Variants in CDH23 observed in about 807,000 individuals in gnomAD.
CDH23 encodes the protein cadherin-23.
Under a neutral mutation model 317.1 loss-of-function variants are expected in CDH23, and 189 were observed. That is an observed-to-expected ratio of 0.60 (90% CI 0.53 to 0.67). The LOEUF (loss-of-function observed/expected upper bound fraction) is 0.67. Ranked by LOEUF, CDH23 falls within the 30% of genes least tolerant of loss-of-function variation. The probability of loss-of-function intolerance (pLI) is 0.00; values close to 1 mark genes in which losing one functional copy is unlikely to be tolerated. For synonymous variants in CDH23, 1,839 were observed against 1,876.8 expected (o/e 0.98, Z 0.52); for missense variants, 4,401 against 4,592.4 (o/e 0.96, Z 1.20).
intron 9 of CDH23, among the ~76,000 whole-genome samples, chr10:71,583,729 G>T (rs1416486274): frequency 6.6e-6 from 1 of 152,196 alleles, no homozygotes; most frequent in Non-Finnish European, 1.5e-5. Context: ...GGAGAACCCT[G>T]TTTATTGGGT....
chr10:71,777,872 G>A lies in CDH23; in HGVS notation c.5038G>A (p.Val1680Ile), dbSNP rs201364852. Residue 1680 changes from valine to isoleucine, a missense_variant, in exon 39 of 70, where the codon GTC becomes ATC. Physicochemically the swap from Val to Ile is conservative, Grantham distance 29 (BLOSUM62 3). This residue lies in a region of CDH23 where 3,068 missense variants were observed against 3,203.3 expected (regional missense o/e 0.96). Coordinates refer to ENST00000224721, the MANE Select transcript of CDH23 (RefSeq NM_022124.6). ...VTYAIVAGNI[V>I]NTFRIDRHMG... ...CTATGCCATCGTCGCAGGCAACATC[G>A]TCAACACCTTCCGCATCGACAGACA... The A allele has an allele frequency of 8.5e-5, 137 of 1,613,740 alleles. No individual in the cohort carries two copies. In the African/African-American group the frequency reaches 1.2e-3, roughly 14 times the overall value.
Position 71,760,310 on chromosome 10 carries a change from C to CAT in CDH23, c.4846-17369_4846-17368insTA, listed in dbSNP as rs1292726780. 5.4e-4 allele frequency among the ~76,000 whole-genome samples: 69 copies of CAT among 127,216 alleles called. 7 individuals carry two copies. Among genetic ancestry groups the CAT allele is most frequent in the Non-Finnish European group, 9.1e-4 (52 of 57,318 alleles). 83.5% of individuals were successfully genotyped at this position (127,216 alleles called of 152,430 possible). On this transcript the variant is annotated intron_variant, in intron 38 of 69. Coordinates refer to ENST00000224721, the MANE Select transcript of CDH23 (RefSeq NM_022124.6). ...ATATGTGTATATATATGTATATACA[C>CAT]ACACATATATATATATATATATCCC... is the stretch of plus-strand genomic sequence containing the variant.
At chr10:71,496,996 C>T (rs189852677) in intron 3 of CDH23, among the ~76,000 whole-genome samples, 1 of 152,276 alleles carries the variant, frequency 6.6e-6, no homozygotes, top group East Asian at 1.9e-4. Flanking sequence ...ACTGCTGTTC[C>T]CCCACGGTCA....
chr10:71,769,436 GTT>G (rs1277120235), intron 38 of CDH23, among the ~76,000 whole-genome samples: 2 of 152,022 alleles, frequency 1.3e-5, no homozygotes, highest in Non-Finnish European at 2.9e-5. Context: ...GCGATAAAAA[GTT>G]TCCTTTTAAA....
chr10:71,694,345 T>C (rs894798845), intron 21 of CDH23, 86 bp downstream of exon 21: 1 of 980,062 alleles, frequency 1.0e-6, no homozygotes. Context: ...CCCCGTGTCC[T>C]GAGCCAGTGT....
chr10:71,724,181 G>A (rs1866702606), intron 29 of CDH23, 76 bp downstream of exon 29: 14 of 1,497,590 alleles, frequency 9.3e-6, no homozygotes, highest in Non-Finnish European at 1.2e-5. Flanking sequence ...GCTGCCAAAG[G>A]TCTGGGAGAT....
At chr10:71,755,396 G>A in intron 38 of CDH23, 1 of 1,613,460 alleles carries the variant, frequency 6.2e-7, no homozygotes, top group Non-Finnish European at 8.5e-7. Flanking sequence ...TGTAGACCAG[G>A]AGCAGGATGA....
At chr10:71,531,135 C>A (rs1442401492) in intron 6 of CDH23, among the ~76,000 whole-genome samples, 1 of 152,246 alleles carries the variant, frequency 6.6e-6, no homozygotes, top group Non-Finnish European at 1.5e-5. Context: ...ACAGTTCACC[C>A]CTAAGAGGCT....
intron 60 of CDH23, 99 bp downstream of exon 60, chr10:71,808,106 G>A: frequency 7.0e-7 from 1 of 1,423,770 alleles, no homozygotes. Context: ...GAGCACCACA[G>A]GATATGGGTG....
At chr10:71,651,062 T>C (rs951231170) in intron 14 of CDH23, among the ~76,000 whole-genome samples, 3 of 152,230 alleles carry the variant, frequency 2.0e-5, no homozygotes, top group Non-Finnish European at 2.9e-5. Flanking sequence ...CCAGGAAAAC[T>C]GGACTAACTA....
At chr10:71,541,449 C>A (rs570038279) in intron 6 of CDH23, among the ~76,000 whole-genome samples, 1 of 152,364 alleles carries the variant, frequency 6.6e-6, no homozygotes, top group South Asian at 2.1e-4. Context: ...GGGGCCCTGG[C>A]CCTGGGCTAG....
At chr10:71,740,990 G>A in intron 37 of CDH23, 40 bp downstream of exon 37, 1 of 1,612,136 alleles carries the variant, frequency 6.2e-7, no homozygotes, top group Non-Finnish European at 8.5e-7. Context: ...GGACATACGG[G>A]GGGACCGTGG....
intron 11 of CDH23, among the ~76,000 whole-genome samples, chr10:71,637,115 G>A (rs10465975): frequency 0.77 from 117,136 of 151,992 alleles, 45,419 homozygotes; most frequent in South Asian, 0.88. Flanking sequence ...ATGTCTGATT[G>A]GGGTGAATTA....
At chr10:71,454,242 C>T (rs780429967) in intron 3 of CDH23, among the ~76,000 whole-genome samples, 9 of 152,200 alleles carry the variant, frequency 5.9e-5, no homozygotes, top group African/African-American at 1.4e-4. Flanking sequence ...ATGGGAATAA[C>T]GTTCAGTTTA....
At chr10:71,501,298 G>C (rs1045860473) in intron 3 of CDH23, among the ~76,000 whole-genome samples, 1 of 152,194 alleles carries the variant, frequency 6.6e-6, no homozygotes, top group Non-Finnish European at 1.5e-5. Flanking sequence ...GTCATGCCCA[G>C]GAAACAGAAT....
chr10:71,751,350 C>T lies in CDH23; in HGVS notation c.4845+9429C>T, dbSNP rs1589396103. On this transcript the variant is annotated intron_variant, in intron 38 of 69. Transcript: ENST00000224721. This position sits in a 1 kb window ranked among gnomAD's most constrained non-coding sequence, Gnocchi z 4.9. Reference sequence around the variant, plus strand: ...CCTCTGCCCCTCACCCTCAACCCCACCCCGTGAGGCCGTGGAACTCTTCAG... The same window carrying T: ...CCTCTGCCCCTCACCCTCAACCCCATCCCGTGAGGCCGTGGAACTCTTCAG... 1.3e-6 allele frequency: 2 copies of T among 1,531,400 alleles called. No individual in the cohort carries two copies. Among genetic ancestry groups the T allele is most frequent in the Non-Finnish European group, 1.8e-6 (2 of 1,126,888 alleles). 94.9% of individuals were successfully genotyped at this position (1,531,400 alleles called of 1,614,324 possible).
intron 48 of CDH23, among the ~76,000 whole-genome samples, chr10:71,796,254 G>A (rs1432322620): frequency 6.6e-6 from 1 of 152,214 alleles, no homozygotes; most frequent in African/African-American, 2.4e-5. Context: ...GCAGGAACAA[G>A]AAAGGTCCCA....
At chr10:71,645,287 A>T (rs879553179) in intron 12 of CDH23, among the ~76,000 whole-genome samples, 4 of 152,202 alleles carry the variant, frequency 2.6e-5, no homozygotes, top group Non-Finnish European at 5.9e-5. Context: ...ATTGCCACTC[A>T]GTCTCTGGGT....
chr10:71,541,680 A>G (rs1208515454), intron 6 of CDH23, among the ~76,000 whole-genome samples: 1 of 152,220 alleles, frequency 6.6e-6, no homozygotes, highest in African/African-American at 2.4e-5. Context: ...TCAGTCTTAC[A>G]TCAGAGGTCA....
Sources: allele counts gnomAD v4.1 joint callset (sites outside exome capture counted in the v4.1 genomes callset), GRCh38; gene constraint gnomAD v4.1.1; regional missense constraint gnomAD v4.1.1; non-coding constraint Gnocchi (gnomAD v3.1); transcripts MANE v1.5; gene names NCBI Gene and HGNC (gene_info 2026-07-23, HGNC 2026-07-21).